PTPN6: variants seen among roughly 807,000 people sequenced by gnomAD.
PTPN6 encodes protein tyrosine phosphatase non-receptor type 6.
A neutral mutation model predicts 81.5 loss-of-function variants in PTPN6; 18 were observed. The ratio of observed to expected loss-of-function variants is 0.22; its 90% CI spans 0.15 to 0.33. PTPN6 has a LOEUF of 0.33. Among genes scored for constraint, PTPN6 ranks in the 10% least tolerant of loss-of-function variants. PTPN6 has a pLI of 1.00. For missense variants in PTPN6, 500 were observed against 794.2 expected (o/e 0.63, Z 4.45); for synonymous variants, 301 against 310.9 (o/e 0.97, Z 0.33).
At chr12:6,953,448 G>C (rs1565580739) in intron 3 of PTPN6, 1 of 152,292 alleles carries the variant, frequency 6.6e-6, no homozygotes, top group Non-Finnish European at 1.5e-5. Context: ...GGAGAAGAGA[G>C]AAGAGAGAGA....
rs782625225 is a variant in PTPN6 at position 6,958,049 on chromosome 12, C to T, written c.1337C>T (p.Ala446Val). 2.5e-6 allele frequency: 4 copies of T among 1,612,510 alleles called. No homozygotes were observed. Among genetic ancestry groups the T allele is most frequent in the Admixed American group, 1.7e-5 (1 of 60,020 alleles). ...CAGCGGCAGGAAAGTCTGCCTCACG[C>T]AGGGCCCATCATCGTGCACTGCAGG... ...INQRQESLPH[A>V]GPIIVHCSAG... The change falls in exon 11 of 16, where the codon GCA becomes GTA. Residue 446 changes from alanine to valine, a missense_variant. By Grantham distance (64) the Ala-to-Val change is moderately conservative. Coordinates refer to ENST00000318974, the MANE Select transcript of PTPN6 (RefSeq NM_002831.6).
rs1048949352 is a variant in PTPN6, at chr12:6,960,974, C to T, written c.*25+29C>T. On this transcript the variant is annotated intron_variant, in intron 15 of 15. Coordinates refer to ENST00000318974, the MANE Select transcript of PTPN6 (RefSeq NM_002831.6). The surrounding 1 kb of genome is among the most constrained non-coding windows in gnomAD (Gnocchi z 6.1). ...CAGCTCTTCTGCCTGGGTGTCCTCC[C>T]TGCCCTGCCCTGTGTCCTTGGCTCC... The T allele has an allele frequency of 3.2e-6, 5 of 1,551,140 alleles. No individual in the cohort carries two copies. The African/African-American group carries it at 5.5e-5, about 17-fold the overall frequency.
chr12:6,960,272 G>GGA lies in PTPN6; in HGVS notation c.1581+34_1581+35insAG, dbSNP rs1946112777. 3.8e-6 allele frequency: 6 copies of GGA among 1,599,624 alleles called. No individual in the cohort carries two copies. The highest frequency in any genetic ancestry group is 3.3e-5 in the Admixed American group (2 of 59,774). ...CAGAGCAGGGCCTGGGGGGGGGGGGGGCTGCAGTGCAGGATGGGTGCCACC... is the reference window on the plus strand; with the variant it reads ...CAGAGCAGGGCCTGGGGGGGGGGGGGGAGCTGCAGTGCAGGATGGGTGCCACC... On this transcript the variant is annotated intron_variant, in intron 13 of 15. Coordinates refer to ENST00000318974, the MANE Select transcript of PTPN6 (RefSeq NM_002831.6). This position sits in a 1 kb window ranked among gnomAD's most constrained non-coding sequence, Gnocchi z 6.1.
At chr12:6,948,928 C>T (rs781976407), upstream of PTPN6, among the ~76,000 whole-genome samples, 27 of 141,470 alleles carry the variant, frequency 1.9e-4, no homozygotes, top group African/African-American at 4.2e-4. Context: ...CTGAGTGCAG[C>T]GGGAGAGACT....
At position 6,956,980 on chromosome 12, in the gene PTPN6, C is replaced by A. The variant is rs1329912080; in HGVS notation, c.1074+412C>A. Among the ~76,000 whole-genome samples, 3 of 152,196 alleles carry A rather than the reference C, an allele frequency of 2.0e-5. No homozygotes were observed. Among genetic ancestry groups the A allele is most frequent in the African/African-American group, 7.2e-5 (3 of 41,436 alleles). ...TCAAGTTCCTTCCTTTCTGAAATCT[C>A]TTCCATGGCTCCTGGTCACCTTTGG... On this transcript the variant is annotated intron_variant, in intron 9 of 15. Transcript: ENST00000318974. This position sits in a 1 kb window ranked among gnomAD's most constrained non-coding sequence, Gnocchi z 4.1.
upstream of PTPN6, chr12:6,946,881 C>T (rs1945829699): frequency 2.0e-5 from 18 of 921,910 alleles, no homozygotes; most frequent in African/African-American, 3.3e-5. Flanking sequence ...CTATGAACTT[C>T]CCCTTCCCGC....
chr12:6,957,443 G>A lies in PTPN6; in HGVS notation c.1075-211G>A, dbSNP rs781862039. Among the ~76,000 whole-genome samples, 26 of 152,318 alleles carry A rather than the reference G, an allele frequency of 1.7e-4. No homozygotes were observed. Among genetic ancestry groups the A allele is most frequent in the African/African-American group, 5.8e-4 (24 of 41,572 alleles). On this transcript the variant is annotated intron_variant, in intron 9 of 15. Transcript: ENST00000318974. The surrounding 1 kb of genome is among the most constrained non-coding windows in gnomAD (Gnocchi z 6.5). ...TGGCAACGTTTGTTGAATGACAAAC[G>A]GATGTACCGGTGAAGTGGCTGGCCA...
rs782530794 is a variant in PTPN6 at position 6,959,593 on chromosome 12, C to T, written c.1362-334C>T. 6 of 510,234 alleles carry T rather than the reference C, an allele frequency of 1.2e-5. No homozygotes were observed. Among genetic ancestry groups the T allele is most frequent in the Admixed American group, 1.0e-4 (3 of 30,040 alleles). 31.6% of individuals were successfully genotyped at this position (510,234 alleles called of 1,614,324 possible). A position where few individuals can be genotyped will look rare whatever the true frequency, so the allele number is the denominator to read the frequency against. On this transcript the variant is annotated intron_variant, in intron 11 of 15. Coordinates refer to ENST00000318974, the MANE Select transcript of PTPN6 (RefSeq NM_002831.6). The surrounding 1 kb of genome is among the most constrained non-coding windows in gnomAD (Gnocchi z 6.6). ...GGGAGGGCTCAGGGTACCTGGGAGC[C>T]GGCAGGACAGTGGTGGGATTTGGGG...
Position 6,952,090 on chromosome 12 carries a change from C to T in PTPN6, c.239C>T (p.Thr80Ile). The T allele has an allele frequency of 6.2e-7, 1 of 1,614,118 alleles. No homozygotes were observed. Among genetic ancestry groups the T allele is most frequent in the Non-Finnish European group, 8.5e-7 (1 of 1,180,008 alleles). ...ATLTELVEYY[T>I]QQQGVLQDRD... is the part of the protein sequence containing the mutation. ...CTGACAGAGCTGGTGGAGTACTACA[C>T]TCAGCAGCAGGGTGTCCTGCAGGAC... Residue 80 changes from threonine to isoleucine, a missense_variant, in exon 3 of 16, where the codon ACT (threonine) becomes ATT (isoleucine). Transcript: ENST00000318974. This position sits in a 1 kb window ranked among gnomAD's most constrained non-coding sequence, Gnocchi z 8.1.
At chr12:6,958,178 G>A (rs1946066384) in intron 11 of PTPN6, 105 bp downstream of exon 11, 1 of 1,463,238 alleles carries the variant, frequency 6.8e-7, no homozygotes, top group Middle Eastern at 2.0e-4. Context: ...CACATTGAGT[G>A]CCCTCCGCTC....
In PTPN6 at chr12:6,957,806, G is replaced by A. The variant is rs782527509; in HGVS notation, c.1206+21G>A. The A allele has an allele frequency of 1.7e-5, 28 of 1,614,120 alleles. No individual in the cohort carries two copies. Among genetic ancestry groups the A allele is most frequent in the Non-Finnish European group, 2.4e-5 (28 of 1,180,028 alleles). ...ACAATGTGAGTGGCCCCCACGCCCT[G>A]CCCCATTCCGGGAGTCCCTCCCTGG... On this transcript the variant is annotated intron_variant, in intron 10 of 15. Coordinates refer to ENST00000318974, the MANE Select transcript of PTPN6 (RefSeq NM_002831.6). This position sits in a 1 kb window ranked among gnomAD's most constrained non-coding sequence, Gnocchi z 6.5.
chr12:6,948,644 GAA>G (rs1945870863), upstream of PTPN6, among the ~76,000 whole-genome samples: 1 of 151,882 alleles, frequency 6.6e-6, no homozygotes, highest in African/African-American at 2.4e-5. Flanking sequence ...AAAGAAAAAA[GAA>G]AAAGTGACAA....
rs782645298 is a variant in PTPN6 at position 6,954,830 on chromosome 12, G to A, written c.352G>A (p.Gly118Arg). The A allele has an allele frequency of 1.2e-5, 19 of 1,614,076 alleles. No homozygotes were observed. The highest frequency in any genetic ancestry group is 1.4e-5 in the Non-Finnish European group (17 of 1,180,038). The change falls in exon 4 of 16, where the codon GGG (glycine) becomes AGG (arginine). Residue 118 changes from glycine to arginine, a missense_variant. Coordinates refer to ENST00000318974, the MANE Select transcript of PTPN6 (RefSeq NM_002831.6). This position sits in a 1 kb window ranked among gnomAD's most constrained non-coding sequence, Gnocchi z 5.4. ...ERWYHGHMSGGQAETLLQAKG... is the reference protein window; with the variant it reads ...ERWYHGHMSGRQAETLLQAKG... ...GTGGTACCATGGCCACATGTCTGGC[G>A]GGCAGGCAGAGACGCTGCTGCAGGC...
Position 6,960,943 on chromosome 12 carries a change from A to G in PTPN6, c.*23A>G, listed in dbSNP as rs1555149872. On this transcript the variant is annotated splice_region_variant and 3_prime_UTR_variant, in exon 15 of 16. Transcript: ENST00000318974. This position sits in a 1 kb window ranked among gnomAD's most constrained non-coding sequence, Gnocchi z 6.1. ...TGAGCGGTGCTGTCCTCAGGTGGCC[A>G]TGGTACAGCTCTTCTGCCTGGGTGT... 2 of 1,556,450 alleles carry G rather than the reference A, an allele frequency of 1.3e-6. No homozygotes were observed. The highest frequency in any genetic ancestry group is 8.7e-7 in the Non-Finnish European group (1 of 1,149,968).
chr12:6,952,040 G>A lies in PTPN6; in HGVS notation c.189G>A (p.Leu63=). 6.2e-7 allele frequency: 1 copy of A among 1,614,182 alleles called. No individual in the cohort carries two copies. The highest frequency in any genetic ancestry group is 8.5e-7 in the Non-Finnish European group (1 of 1,180,026). ...AGAACTCAGGGGATTTCTATGACCTGTATGGAGGGGAGAAGTTTGCGACTC... is the reference window on the plus strand; with the variant it reads ...AGAACTCAGGGGATTTCTATGACCTATATGGAGGGGAGAAGTTTGCGACTC... ...RIQNSGDFYD[L]YGGEKFATLT... The change falls in exon 3 of 16, where the codon CTG becomes CTA. Residue 63 remains leucine, a synonymous_variant. Transcript: ENST00000318974. This position sits in a 1 kb window ranked among gnomAD's most constrained non-coding sequence, Gnocchi z 8.1.
Position 6,952,319 on chromosome 12 carries a change from G to A in PTPN6, c.326+142G>A. The A allele has an allele frequency of 3.2e-6, 3 of 950,314 alleles. No individual in the cohort carries two copies. The highest frequency in any genetic ancestry group is 2.8e-5 in the South Asian group (2 of 70,522). 58.9% of individuals were successfully genotyped at this position (950,314 alleles called of 1,614,324 possible). ...CCCTGCACCAGCTGGGGCTCTCAATGTCCCTCCTCCCTGCTGTCCTGGGAC... is the reference window on the plus strand; with the variant it reads ...CCCTGCACCAGCTGGGGCTCTCAATATCCCTCCTCCCTGCTGTCCTGGGAC... On this transcript the variant is annotated intron_variant, in intron 3 of 15. Coordinates refer to ENST00000318974, the MANE Select transcript of PTPN6 (RefSeq NM_002831.6). The surrounding 1 kb of genome is among the most constrained non-coding windows in gnomAD (Gnocchi z 8.1).
chr12:6,955,004 C>T lies in PTPN6; in HGVS notation c.516+10C>T. 6.2e-7 allele frequency: 1 copy of T among 1,614,032 alleles called. No individual in the cohort carries two copies. Among genetic ancestry groups the T allele is most frequent in the Non-Finnish European group, 8.5e-7 (1 of 1,179,996 alleles). Reference sequence around the variant, plus strand: ...CAAGGTCATGTGCGAGGTAAGGCAGCCAGGCGGCGGGGGAGCCTCTGCTGA... The same window carrying T: ...CAAGGTCATGTGCGAGGTAAGGCAGTCAGGCGGCGGGGGAGCCTCTGCTGA... On this transcript the variant is annotated intron_variant, in intron 4 of 15. Coordinates refer to ENST00000318974, the MANE Select transcript of PTPN6 (RefSeq NM_002831.6). This position sits in a 1 kb window ranked among gnomAD's most constrained non-coding sequence, Gnocchi z 7.2.
At position 6,952,264 on chromosome 12, in the gene PTPN6, C is replaced by G. The variant is rs1252068136; in HGVS notation, c.326+87C>G. ...CCAGGGAGGCAGGGAGACTGGCAGC[C>G]GGCGCTGCCTACCCTCCATCCCCTC... On this transcript the variant is annotated intron_variant, in intron 3 of 15. Coordinates refer to ENST00000318974, the MANE Select transcript of PTPN6 (RefSeq NM_002831.6). The surrounding 1 kb of genome is among the most constrained non-coding windows in gnomAD (Gnocchi z 8.1). 2.7e-6 allele frequency: 4 copies of G among 1,500,090 alleles called. No individual in the cohort carries two copies. The highest frequency in any genetic ancestry group is 1.4e-5 in the African/African-American group (1 of 72,572). 92.9% of individuals were successfully genotyped at this position (1,500,090 alleles called of 1,614,324 possible). A position where few individuals can be genotyped will look rare whatever the true frequency, so the allele number is the denominator to read the frequency against.
Position 6,955,868 on chromosome 12 carries a change from C to T in PTPN6, c.844+112C>T, listed in dbSNP as rs1946020596. The stretch of plus-strand genomic sequence containing the variant: ...CCAGGAGGGGCCATCTCCCCACACC[C>T]CCCACAGAGCCTCCCCCTTCTCCAA... On this transcript the variant is annotated intron_variant, in intron 7 of 15. Coordinates refer to ENST00000318974, the MANE Select transcript of PTPN6 (RefSeq NM_002831.6). The surrounding 1 kb of genome is among the most constrained non-coding windows in gnomAD (Gnocchi z 7.2). 2.0e-6 allele frequency: 2 copies of T among 1,010,386 alleles called. No individual in the cohort carries two copies. Among genetic ancestry groups the T allele is most frequent in the South Asian group, 2.7e-5 (2 of 75,138 alleles). The allele number at this position is 1,010,386 out of a possible 1,614,324, so 62.6% of individuals were successfully genotyped here. A position where few individuals can be genotyped will look rare whatever the true frequency, so the allele number is the denominator to read the frequency against.
Sources: gnomAD v4.1 joint callset for allele counts (sites outside exome capture counted in the v4.1 genomes callset) on GRCh38, gnomAD v4.1.1 for gene constraint, Gnocchi (gnomAD v3.1) non-coding constraint, MANE v1.5 for transcripts, NCBI Gene and HGNC (gene_info 2026-07-23, HGNC 2026-07-21) for gene names.